The following HS3ST4 variants were observed in gnomAD, a reference collection of about 807,000 sequenced individuals.
The protein encoded by HS3ST4 is heparan sulfate glucosamine 3-O-sulfotransferase 4.
A neutral mutation model predicts 29.2 loss-of-function variants in HS3ST4; 17 were observed. The ratio of observed to expected loss-of-function variants is 0.58; its 90% CI spans 0.40 to 0.87. HS3ST4 has a LOEUF of 0.87. HS3ST4 is among the 40% of genes least tolerant of loss of function. HS3ST4 has a pLI of 0.00. For synonymous variants in HS3ST4, 314 were observed against 285.7 expected (o/e 1.10, Z -1.00); for missense variants, 627 against 634.5 (o/e 0.99, Z 0.13).
intron 1 of HS3ST4, among the ~76,000 whole-genome samples, chr16:26,020,588 C>G (rs1392674398): frequency 6.6e-6 from 1 of 152,200 alleles, no homozygotes. Flanking sequence ...TGAAAGCACC[C>G]CTAGGTGATG....
chr16:25,923,793 T>C (rs181116125), intron 1 of HS3ST4, among the ~76,000 whole-genome samples: 2 of 152,310 alleles, frequency 1.3e-5, no homozygotes, highest in Admixed American at 1.3e-4. Flanking sequence ...AGTAAGTCAA[T>C]ATTTACTGAG....
intron 1 of HS3ST4, among the ~76,000 whole-genome samples, chr16:26,043,916 A>G (rs1898235370): frequency 6.6e-6 from 1 of 152,072 alleles, no homozygotes; most frequent in Non-Finnish European, 1.5e-5. Context: ...GGCCCTTACT[A>G]GCATTTATCT....
chr16:25,826,804 A>G (rs997012732), intron 1 of HS3ST4, among the ~76,000 whole-genome samples: 1 of 152,158 alleles, frequency 6.6e-6, no homozygotes, highest in African/African-American at 2.4e-5. Context: ...AATAGCTTTC[A>G]TGGTATATAA....
intron 1 of HS3ST4, among the ~76,000 whole-genome samples, chr16:25,737,714 A>C (rs1938528011): frequency 6.6e-6 from 1 of 152,274 alleles, no homozygotes. Context: ...ACACAACTGT[A>C]CTTGTACCCC....
chr16:26,008,438 T>G lies in HS3ST4; in HGVS notation c.735-127174T>G, dbSNP rs1343554406. On this transcript the variant is annotated intron_variant, in intron 1 of 1. Coordinates refer to ENST00000331351, the MANE Select transcript of HS3ST4 (RefSeq NM_006040.3). ...GAAGGGTACCCCTCCCAGAGGGATA[T>G]TTTTGGCTTGCCATATGCAGGAAGA... Among the ~76,000 whole-genome samples the G allele has an allele frequency of 2.0e-5, 3 of 152,332 alleles. No individual in the cohort carries two copies. In the East Asian group the frequency reaches 5.8e-4, roughly 29 times the overall value.
At chr16:26,025,136 C>T (rs576668984) in intron 1 of HS3ST4, 8 of 152,374 alleles carry the variant, frequency 5.3e-5, no homozygotes, top group African/African-American at 1.9e-4. Flanking sequence ...CCTAAGATAC[C>T]TCTAATGTAT....
intron 1 of HS3ST4, among the ~76,000 whole-genome samples, chr16:26,095,832 G>T (rs997319463): frequency 1.3e-5 from 2 of 152,100 alleles, no homozygotes; most frequent in African/African-American, 4.8e-5. Context: ...CCAGGAGCTG[G>T]TTTTTTGAAA....
intron 1 of HS3ST4, among the ~76,000 whole-genome samples, chr16:26,026,694 C>T (rs1157455504): frequency 6.6e-6 from 1 of 152,180 alleles, no homozygotes; most frequent in African/African-American, 2.4e-5. Flanking sequence ...CATGTCATTT[C>T]TCCAGAATTT....
At chr16:25,746,573 A>G (rs1966686930) in intron 1 of HS3ST4, among the ~76,000 whole-genome samples, 1 of 147,606 alleles carries the variant, frequency 6.8e-6, no homozygotes, top group Non-Finnish European at 1.5e-5. Flanking sequence ...TTTTTTTTAG[A>G]CGGAGTCTCA....
At chr16:25,777,150 C>T (rs1468937502) in intron 1 of HS3ST4, among the ~76,000 whole-genome samples, 2 of 152,178 alleles carry the variant, frequency 1.3e-5, no homozygotes, top group Non-Finnish European at 2.9e-5. Flanking sequence ...TCTCTTGACT[C>T]ACGCACATTA....
chr16:25,958,504 TA>T (rs1175929597), intron 1 of HS3ST4, among the ~76,000 whole-genome samples: 1 of 152,132 alleles, frequency 6.6e-6, no homozygotes, highest in Non-Finnish European at 1.5e-5. Flanking sequence ...CTAATTTTTG[TA>T]TTTTTAGTAG....
chr16:25,733,479 T>G (rs943706564), intron 1 of HS3ST4, among the ~76,000 whole-genome samples: 2 of 152,116 alleles, frequency 1.3e-5, no homozygotes, highest in African/African-American at 4.8e-5. Context: ...AGGTAGTGAG[T>G]GAGACTCTGT....
At chr16:25,888,402 C>G (rs1403765807) in intron 1 of HS3ST4, among the ~76,000 whole-genome samples, 3 of 152,218 alleles carry the variant, frequency 2.0e-5, no homozygotes, top group East Asian at 1.9e-4. Flanking sequence ...ATTTTATTCA[C>G]TTCTTCTTGT....
intron 1 of HS3ST4, among the ~76,000 whole-genome samples, chr16:26,109,551 G>C (rs1596684282): frequency 6.6e-6 from 1 of 151,968 alleles, no homozygotes; most frequent in Non-Finnish European, 1.5e-5. Context: ...TGTCCATCTG[G>C]AGGCTCCTGC....
chr16:25,958,468 C>T (rs528072107), intron 1 of HS3ST4, among the ~76,000 whole-genome samples: 2 of 152,126 alleles, frequency 1.3e-5, no homozygotes, highest in Non-Finnish European at 2.9e-5. Context: ...GTAGCTGGGA[C>T]TACAGGCGTG....
chr16:25,801,404 A>T (rs1966932951), intron 1 of HS3ST4, among the ~76,000 whole-genome samples: 1 of 152,176 alleles, frequency 6.6e-6, no homozygotes, highest in Admixed American at 6.6e-5. Context: ...ATGTCTGTGT[A>T]CTTGTGCAAG....
intron 1 of HS3ST4, among the ~76,000 whole-genome samples, chr16:25,717,851 G>C (rs1489791197): frequency 6.6e-6 from 1 of 152,134 alleles, no homozygotes; most frequent in East Asian, 1.9e-4. Flanking sequence ...TGGATAGGAG[G>C]GACAAGAGTA....
intron 1 of HS3ST4, among the ~76,000 whole-genome samples, chr16:26,027,730 A>G (rs1350137511): frequency 6.6e-6 from 1 of 152,204 alleles, no homozygotes; most frequent in Non-Finnish European, 1.5e-5. Flanking sequence ...CACAGCAACT[A>G]TACACAGTAG....
At chr16:25,723,016 A>C (rs1490874720) in intron 1 of HS3ST4, among the ~76,000 whole-genome samples, 1 of 152,232 alleles carries the variant, frequency 6.6e-6, no homozygotes, top group Non-Finnish European at 1.5e-5. Flanking sequence ...AGAGAGAATG[A>C]GAAACAAGTA....
Sources: gnomAD v4.1 joint callset for allele counts (sites outside exome capture counted in the v4.1 genomes callset) on GRCh38, gnomAD v4.1.1 for gene constraint, MANE v1.5 for transcripts, NCBI Gene and HGNC (gene_info 2026-07-23, HGNC 2026-07-21) for gene names.